The following AP2A2 variants were observed in gnomAD, a reference collection of about 807,000 sequenced individuals.
AP2A2 encodes adaptor related protein complex 2 subunit alpha 2, also known as AP-2 complex subunit alpha-2.
Under a neutral mutation model 104.2 loss-of-function variants are expected in AP2A2, and 32 were observed. The observed-to-expected ratio is 0.31, with a 90% CI of 0.23 to 0.41. The LOEUF (loss-of-function observed/expected upper bound fraction) is 0.41. AP2A2 is among the 10% of genes least tolerant of loss of function. The pLI, the probability that AP2A2 is intolerant of heterozygous loss-of-function variation, is 1.00. For missense variants in AP2A2, 912 were observed against 1,261.0 expected, an observed-to-expected ratio of 0.72 and a Z score of 4.19; for synonymous variants, 539 against 533.3, an observed-to-expected ratio of 1.01 and a Z score of -0.15.
intron 1 of AP2A2, 27 bp from the exon 2 acceptor site, chr11:959,410 A>C: frequency 7.0e-7 from 1 of 1,435,668 alleles, no homozygotes; most frequent in East Asian, 2.3e-5. Flanking sequence ...AATTAAAATA[A>C]AAATGGCTTT....
At chr11:964,344 G>A (rs572356011) in intron 2 of AP2A2, among the ~76,000 whole-genome samples, 87 of 152,358 alleles carry the variant, frequency 5.7e-4, no homozygotes, top group Non-Finnish European at 1.1e-3. Context: ...TCTGACTGCA[G>A]CTTCAGCTCT....
chr11:932,546 C>T (rs1853324609), intron 1 of AP2A2: 1 of 335,876 alleles, frequency 3.0e-6, no homozygotes. Flanking sequence ...ACTGTACATT[C>T]CTAAAAAGTG....
At chr11:951,267 C>G (rs1041961356) in intron 1 of AP2A2, among the ~76,000 whole-genome samples, 5 of 152,168 alleles carry the variant, frequency 3.3e-5, no homozygotes, top group Non-Finnish European at 5.9e-5. Flanking sequence ...GCACTCCCAG[C>G]TGTAATTCCA....
rs999030993 is a variant in AP2A2 at position 993,230 on chromosome 11, C to T, written c.1453-54C>T. On this transcript the variant is annotated intron_variant, in intron 11 of 21. Transcript: ENST00000448903. The surrounding 1 kb of genome is among the most constrained non-coding windows in gnomAD (Gnocchi z 8.2). ...GCACCGCGCCAGGACGTGCCCGCCT[C>T]GCCTTAACTCTGGCACCTGGCTGCC... 2.7e-5 allele frequency: 39 copies of T among 1,458,742 alleles called. No homozygotes were observed. The highest frequency in any genetic ancestry group is 4.8e-5 in the East Asian group (2 of 41,526). The allele number at this position is 1,458,742 out of a possible 1,614,324, so 90.4% of individuals were successfully genotyped here. A position where few individuals can be genotyped will look rare whatever the true frequency, so the allele number is the denominator to read the frequency against.
At chr11:1,005,749 C>T (rs149167978) in intron 16 of AP2A2, among the ~76,000 whole-genome samples, 45 of 152,258 alleles carry the variant, frequency 3.0e-4, no homozygotes, top group African/African-American at 1.0e-3. Flanking sequence ...CTGTGGGAAA[C>T]GCTGCATTGA....
chr11:981,326 G>T (rs1325544247), intron 6 of AP2A2, 27 bp downstream of exon 6: 1 of 1,526,658 alleles, frequency 6.6e-7, no homozygotes, highest in Non-Finnish European at 9.0e-7. Flanking sequence ...GGGAGCAGAA[G>T]TCAGGGTGGG....
At chr11:930,248 T>C (rs1207592098) in intron 1 of AP2A2, among the ~76,000 whole-genome samples, 1 of 152,082 alleles carries the variant, frequency 6.6e-6, no homozygotes, top group Non-Finnish European at 1.5e-5. Flanking sequence ...CTTGGGGCAT[T>C]ACTCCTCTTA....
At chr11:926,835 A>G (rs1397002069) in intron 1 of AP2A2, among the ~76,000 whole-genome samples, 1 of 152,106 alleles carries the variant, frequency 6.6e-6, no homozygotes, top group African/African-American at 2.4e-5. Flanking sequence ...GGTGGGAAAA[A>G]TCCACACCAA....
intron 2 of AP2A2, among the ~76,000 whole-genome samples, chr11:962,194 A>G (rs1369259520): frequency 6.6e-6 from 1 of 152,246 alleles, no homozygotes; most frequent in African/African-American, 2.4e-5. Context: ...TCTTGGTGTC[A>G]CTGGGCCTTC....
At chr11:963,763 C>T (rs1032259163) in intron 2 of AP2A2, among the ~76,000 whole-genome samples, 7 of 152,354 alleles carry the variant, frequency 4.6e-5, no homozygotes, top group Middle Eastern at 3.4e-3. Context: ...ACTGGGACCA[C>T]AGGCGCGCAC....
intron 1 of AP2A2, among the ~76,000 whole-genome samples, chr11:959,168 G>A (rs1302343757): frequency 1.3e-5 from 2 of 152,202 alleles, no homozygotes; most frequent in Non-Finnish European, 2.9e-5. Context: ...CCCTGGGTGC[G>A]CAGCGGCTGG....
chr11:1,009,668 T>C lies in AP2A2; in HGVS notation c.2608-15T>C. The C allele has an allele frequency of 6.4e-7, 1 of 1,556,944 alleles. No individual in the cohort carries two copies. The highest frequency in any genetic ancestry group is 2.4e-5 in the East Asian group (1 of 42,284). On this transcript the variant is annotated splice_polypyrimidine_tract_variant and intron_variant, in intron 20 of 21. Transcript: ENST00000448903. ...CCCCGCGCCAGGGTCCTCATTCTCCTGTTTCTTTGGACAGATCATTGGATT... is the reference window on the plus strand; with the variant it reads ...CCCCGCGCCAGGGTCCTCATTCTCCCGTTTCTTTGGACAGATCATTGGATT...
chr11:958,819 G>A (rs947817164), intron 1 of AP2A2, among the ~76,000 whole-genome samples: 3 of 152,112 alleles, frequency 2.0e-5, no homozygotes, highest in Non-Finnish European at 4.4e-5. Flanking sequence ...TTCAGCATGC[G>A]AATTTTGAGG....
In AP2A2 at chr11:1,010,934, G is replaced by A. The variant is rs1425359826; in HGVS notation, c.*309G>A. ...AGGGAAATTAGAAGTTGGCGTGAAC[G>A]TGGCGTTTGTGGGAGTGTCACTGAG... On this transcript the variant is annotated 3_prime_UTR_variant, in exon 22 of 22. Coordinates refer to ENST00000448903, the MANE Select transcript of AP2A2 (RefSeq NM_012305.4). The A allele has an allele frequency of 9.8e-6, 7 of 714,728 alleles. No individual in the cohort carries two copies. Among genetic ancestry groups the A allele is most frequent in the Non-Finnish European group, 1.8e-5 (7 of 391,570 alleles). 44.3% of individuals were successfully genotyped at this position (714,728 alleles called of 1,614,324 possible).
At chr11:1,008,810 A>T (rs776439344) in intron 18 of AP2A2, 35 of 456,080 alleles carry the variant, frequency 7.7e-5, no homozygotes, top group Non-Finnish European at 1.1e-4. Context: ...TTAAAGAAAA[A>T]ACATCACACT....
intron 1 of AP2A2, among the ~76,000 whole-genome samples, chr11:946,303 G>A (rs1589953442): frequency 6.6e-6 from 1 of 152,162 alleles, no homozygotes; most frequent in Non-Finnish European, 1.5e-5. Context: ...CTACTGGAGG[G>A]GACACATGAA....
rs558180804 is a variant in AP2A2, at chr11:943,831, T to C, written c.68-15606T>C. On this transcript the variant is annotated intron_variant, in intron 1 of 21. Transcript: ENST00000448903. Reference sequence around the variant, plus strand: ...AGCGGAGATGGCGAGAATAGGAGAGTCCGACCGGAGATGCAGGTGGCAGCG... The same window carrying C: ...AGCGGAGATGGCGAGAATAGGAGAGCCCGACCGGAGATGCAGGTGGCAGCG... 3.0e-3 allele frequency among the ~76,000 whole-genome samples: 392 copies of C among 128,644 alleles called. 1 individual carries two copies. Among genetic ancestry groups the C allele is most frequent in the African/African-American group, 9.4e-3 (307 of 32,790 alleles). 84.4% of individuals were successfully genotyped at this position (128,644 alleles called of 152,430 possible).
chr11:931,073 A>G (rs972217941), intron 1 of AP2A2, among the ~76,000 whole-genome samples: 41 of 152,256 alleles, frequency 2.7e-4, no homozygotes, highest in Admixed American at 2.6e-3. Flanking sequence ...TCTGTTCTCC[A>G]TCTCTGTAAT....
chr11:969,868 G>C (rs1205563063), intron 2 of AP2A2, among the ~76,000 whole-genome samples: 1 of 152,214 alleles, frequency 6.6e-6, no homozygotes. Flanking sequence ...GTGAGGCCCT[G>C]TGAGGGCCAG....
Sources: allele counts gnomAD v4.1 joint callset (sites outside exome capture counted in the v4.1 genomes callset), GRCh38; gene constraint gnomAD v4.1.1; non-coding constraint Gnocchi (gnomAD v3.1); transcripts MANE v1.5; gene names NCBI Gene and HGNC (gene_info 2026-07-23, HGNC 2026-07-21).